The following LHX6 variants were observed in gnomAD, a reference collection of about 807,000 sequenced individuals.
LHX6 encodes LIM/homeobox protein Lhx6.
In LHX6, 15 loss-of-function variants were observed where a neutral mutation model predicts 47.1. The observed-to-expected ratio is 0.32, with a 90% CI of 0.21 to 0.49. The LOEUF (loss-of-function observed/expected upper bound fraction) is 0.49. LHX6 is among the 20% of genes least tolerant of loss of function. The pLI, the probability that LHX6 is intolerant of heterozygous loss-of-function variation, is 0.99. For missense variants in LHX6, 404 were observed against 539.6 expected (o/e 0.75, Z 2.49); for synonymous variants, 242 against 233.5 (o/e 1.04, Z -0.33).
intron 1 of LHX6, chr9:122,227,730 T>A: frequency 1.5e-6 from 1 of 676,148 alleles, no homozygotes; most frequent in Non-Finnish European, 2.2e-6. Context: ...CTTGAAGTAA[T>A]CGCTTAGTTC....
At chr9:122,221,986 G>T (rs1467894771) in intron 4 of LHX6, among the ~76,000 whole-genome samples, 1 of 152,172 alleles carries the variant, frequency 6.6e-6, no homozygotes, top group African/African-American at 2.4e-5. Flanking sequence ...CATACTGTGG[G>T]ATTATGAGAG....
At chr9:122,224,971 A>C (rs1291478475) in intron 4 of LHX6, among the ~76,000 whole-genome samples, 1 of 152,014 alleles carries the variant, frequency 6.6e-6, no homozygotes, top group Non-Finnish European at 1.5e-5. Flanking sequence ...ACTCTTCTAC[A>C]TCCATCCCAT....
intron 2 of LHX6, 110 bp downstream of exon 2, chr9:122,227,299 G>C: frequency 8.7e-7 from 1 of 1,149,748 alleles, no homozygotes. Flanking sequence ...GGCGCCCGCC[G>C]GGAGTCCCCC....
In LHX6 at chr9:122,214,664, A is replaced by C. The variant is rs1277892987; in HGVS notation, c.683-281T>G. Among the ~76,000 whole-genome samples, 1 of 152,132 alleles carries C rather than the reference A, an allele frequency of 6.6e-6. No homozygotes were observed. Among genetic ancestry groups the C allele is most frequent in the East Asian group, 1.9e-4 (1 of 5,178 alleles). On this transcript the variant is annotated intron_variant, in intron 5 of 9. Coordinates refer to ENST00000394319, the MANE Select transcript of LHX6 (RefSeq NM_014368.5). The surrounding 1 kb of genome is among the most constrained non-coding windows in gnomAD (Gnocchi z 4.6). ...CATGGGAGGAAACTGAGGCTCAGAG[A>C]GAAGGAAAGCCCCTGCCCTGGCCCT...
rs572443337 is a variant in LHX6 at position 122,209,596 on chromosome 9, C to T, written c.1158+18G>A. On this transcript the variant is annotated intron_variant, in intron 9 of 9. Coordinates refer to ENST00000394319, the MANE Select transcript of LHX6 (RefSeq NM_014368.5). Reference sequence around the variant, plus strand: ...CAGGGTGGCTCTGACCCACCAGACCCAACCTGGCTCCATTTACCTTCTCAC... The same window carrying T: ...CAGGGTGGCTCTGACCCACCAGACCTAACCTGGCTCCATTTACCTTCTCAC... 1.2e-5 allele frequency: 19 copies of T among 1,613,706 alleles called. 1 individual carries two copies. The South Asian group carries it at 2.0e-4, about 17-fold the overall frequency.
intron 4 of LHX6, among the ~76,000 whole-genome samples, chr9:122,222,106 T>A (rs768738529): frequency 1.1e-4 from 16 of 152,244 alleles, no homozygotes; most frequent in Non-Finnish European, 1.9e-4. Flanking sequence ...ACTGGTGTCC[T>A]GTGTCACTGT....
At position 122,226,759 on chromosome 9, in the gene LHX6, A is replaced by ATCC; in HGVS notation, c.339+88_339+89insGGA. ...GGCAGCAGTGGAGCCAGGATTTGGA[A>ATCC]GTAAGAGGACCTGCGGTGCTTCCCT... On this transcript the variant is annotated intron_variant, in intron 3 of 9. Transcript: ENST00000394319. This position sits in a 1 kb window ranked among gnomAD's most constrained non-coding sequence, Gnocchi z 6.5. 1 of 1,416,304 alleles carries ATCC rather than the reference A, an allele frequency of 7.1e-7. No homozygotes were observed. 87.7% of individuals were successfully genotyped at this position (1,416,304 alleles called of 1,614,324 possible).
chr9:122,204,605 C>T lies in LHX6; in HGVS notation c.*155G>A. 1 of 766,322 alleles carries T rather than the reference C, an allele frequency of 1.3e-6. No individual in the cohort carries two copies. Among genetic ancestry groups the T allele is most frequent in the Non-Finnish European group, 2.0e-6 (1 of 488,376 alleles). 47.5% of individuals were successfully genotyped at this position (766,322 alleles called of 1,614,324 possible). A position where few individuals can be genotyped will look rare whatever the true frequency, so the allele number is the denominator to read the frequency against. On this transcript the variant is annotated 3_prime_UTR_variant, in exon 10 of 10. Coordinates refer to ENST00000394319, the MANE Select transcript of LHX6 (RefSeq NM_014368.5). ...TGGTTCTCAGCAGGAGAGGGAAAGGCCAGGCCTCGGGAACCGACCTGGTGG... is the reference window on the plus strand; with the variant it reads ...TGGTTCTCAGCAGGAGAGGGAAAGGTCAGGCCTCGGGAACCGACCTGGTGG...
At chr9:122,228,236 A>G in intron 1 of LHX6, 1 of 1,530,744 alleles carries the variant, frequency 6.5e-7, no homozygotes, top group Non-Finnish European at 8.7e-7. Context: ...GCGAAACGGG[A>G]CCAAAAAGAG....
At chr9:122,227,889 C>G in intron 1 of LHX6, 1 of 347,106 alleles carries the variant, frequency 2.9e-6, no homozygotes, top group Non-Finnish European at 5.2e-6. Context: ...ATCAGGCCGC[C>G]CAAAGAATTG....
chr9:122,225,456 G>C (rs1831053762), intron 4 of LHX6, among the ~76,000 whole-genome samples: 1 of 152,258 alleles, frequency 6.6e-6, no homozygotes, highest in African/African-American at 2.4e-5. Context: ...CGGGCTTCAT[G>C]GCTAGAAGCG....
Position 122,227,032 on chromosome 9 carries a change from T to A in LHX6, c.157-2A>T, listed in dbSNP as rs1378525992. ...CAGGGCCTCGGCGTCAGACTGAGCC[T>A]GCGGCGGGGGAGAGAAGGAGAGGAG... is the stretch of plus-strand genomic sequence containing the variant. On this transcript the variant is annotated splice_acceptor_variant, in intron 2 of 9. Coordinates refer to ENST00000394319, the MANE Select transcript of LHX6 (RefSeq NM_014368.5). LOFTEE classifies it high-confidence loss of function. 6.8e-7 allele frequency: 1 copy of A among 1,479,720 alleles called. No individual in the cohort carries two copies. Among genetic ancestry groups the A allele is most frequent in the Non-Finnish European group, 9.0e-7 (1 of 1,112,942 alleles). The allele number at this position is 1,479,720 out of a possible 1,614,324, so 91.7% of individuals were successfully genotyped here.
At chr9:122,210,213 C>G (rs918555199) in intron 8 of LHX6, among the ~76,000 whole-genome samples, 1 of 133,782 alleles carries the variant, frequency 7.5e-6, no homozygotes, top group African/African-American at 2.9e-5. Context: ...CCACCGTGCC[C>G]GGCCAATTGT....
In LHX6 at chr9:122,227,499, G is replaced by GGGCC; in HGVS notation, c.85-20_85-19insGGCC. On this transcript the variant is annotated intron_variant, in intron 1 of 9. Transcript: ENST00000394319. ...CCATCACCTGGGGGAGGGGGGGAGGGAACGCAGGCGGCGGCGGCTGCTGAA... is the reference window on the plus strand; with the variant it reads ...CCATCACCTGGGGGAGGGGGGGAGGGGGCCAACGCAGGCGGCGGCGGCTGCTGAA... 1 of 656,320 alleles carries GGGCC rather than the reference G, an allele frequency of 1.5e-6. No homozygotes were observed. The allele number at this position is 656,320 out of a possible 1,614,324, so 40.7% of individuals were successfully genotyped here. A position where few individuals can be genotyped will look rare whatever the true frequency, so the allele number is the denominator to read the frequency against.
At chr9:122,216,945 C>T (rs960361947) in intron 5 of LHX6, 123 bp downstream of exon 5, 2 of 789,528 alleles carry the variant, frequency 2.5e-6, no homozygotes, top group Non-Finnish European at 4.1e-6. Flanking sequence ...CCCTACGCTG[C>T]CTGCGGGACT....
At chr9:122,220,925 G>A (rs1188171519) in intron 4 of LHX6, 4 of 202,274 alleles carry the variant, frequency 2.0e-5, no homozygotes, top group Non-Finnish European at 3.5e-5. Context: ...TTATTTGTTG[G>A]ATGAATGAGC....
chr9:122,221,039 T>A, intron 4 of LHX6: 1 of 974,200 alleles, frequency 1.0e-6, no homozygotes, highest in African/African-American at 1.8e-5. Flanking sequence ...GAAACGCCAA[T>A]GTTAGTTACC....
In LHX6 at chr9:122,214,812, T is replaced by A. The variant is rs115436086; in HGVS notation, c.683-429A>T. Among the ~76,000 whole-genome samples the A allele has an allele frequency of 5.0e-3, 768 of 152,298 alleles. 8 individuals are homozygous for A. Among genetic ancestry groups the A allele is most frequent in the African/African-American group, 0.018 (729 of 41,564 alleles). ...CAAGCAAGTAACGGAACTATGCTCC[T>A]AATTTTATAAAAATAAGCGGAAGGA... On this transcript the variant is annotated intron_variant, in intron 5 of 9. Coordinates refer to ENST00000394319, the MANE Select transcript of LHX6 (RefSeq NM_014368.5). The surrounding 1 kb of genome is among the most constrained non-coding windows in gnomAD (Gnocchi z 4.6).
intron 5 of LHX6, among the ~76,000 whole-genome samples, chr9:122,216,353 G>A (rs1830593214): frequency 6.6e-6 from 1 of 152,218 alleles, no homozygotes; most frequent in Admixed American, 6.5e-5. Flanking sequence ...ATCCGTGGAA[G>A]ACCTGGATCT....
Sources: gnomAD v4.1 joint callset for allele counts (sites outside exome capture counted in the v4.1 genomes callset) on GRCh38, gnomAD v4.1.1 for gene constraint, Gnocchi (gnomAD v3.1) non-coding constraint, MANE v1.5 for transcripts, NCBI Gene and HGNC (gene_info 2026-07-23, HGNC 2026-07-21) for gene names.